Variants in PPARGC1A observed in about 807,000 individuals in gnomAD.
PPARGC1A encodes the protein PPARG coactivator 1 alpha, also known as peroxisome proliferator-activated receptor gamma coactivator 1-alpha.
Under a neutral mutation model 88.7 loss-of-function variants are expected in PPARGC1A, and 25 were observed. That is an observed-to-expected ratio of 0.28 (90% CI 0.21 to 0.39). The LOEUF (loss-of-function observed/expected upper bound fraction) is 0.39. Ranked by LOEUF, PPARGC1A falls within the 10% of genes least tolerant of loss-of-function variation. The pLI, the probability that PPARGC1A is intolerant of heterozygous loss-of-function variation, is 1.00. For missense variants in PPARGC1A, 880 were observed against 968.7 expected (o/e 0.91, Z 1.22); for synonymous variants, 363 against 355.6 (o/e 1.02, Z -0.24).
chr4:24,328,899 C>G, the PPARGC1A span, among the ~76,000 whole-genome samples: 1 of 152,190 alleles, frequency 6.6e-6, no homozygotes, highest in Non-Finnish European at 1.5e-5. Flanking sequence ...ATTATAGTCT[C>G]GGAACCAAAC....
At chr4:24,292,156 C>G in the PPARGC1A span, among the ~76,000 whole-genome samples, 1 of 152,124 alleles carries the variant, frequency 6.6e-6, no homozygotes, top group South Asian at 2.1e-4. Flanking sequence ...GGTTGTCCTG[C>G]TCTCACCCCT....
At chr4:24,008,183 TC>T in the PPARGC1A span, among the ~76,000 whole-genome samples, 2 of 152,142 alleles carry the variant, frequency 1.3e-5, no homozygotes, top group African/African-American at 4.8e-5. Context: ...CTGGACTCTG[TC>T]CTCTGAACTC....
chr4:23,837,569 G>A (rs1158805430), intron 2 of PPARGC1A, among the ~76,000 whole-genome samples: 1 of 152,046 alleles, frequency 6.6e-6, no homozygotes, highest in Non-Finnish European at 1.5e-5. Flanking sequence ...CATGCCCCAG[G>A]CTTCCTCCTT....
the PPARGC1A span, among the ~76,000 whole-genome samples, chr4:24,327,692 C>A: frequency 6.6e-6 from 1 of 151,966 alleles, no homozygotes; most frequent in Non-Finnish European, 1.5e-5. Context: ...CATACCGCCC[C>A]TAATCCCGCT....
the PPARGC1A span, among the ~76,000 whole-genome samples, chr4:24,457,527 T>TTTTGTTTG: frequency 7.3e-4 from 109 of 150,054 alleles, no homozygotes; most frequent in South Asian, 8.5e-4. Context: ...AGATACTGTT[T>TTTTGTTTG]TTTGTTTGTT....
At chr4:24,126,508 G>C in the PPARGC1A span, among the ~76,000 whole-genome samples, 1 of 152,164 alleles carries the variant, frequency 6.6e-6, no homozygotes, top group African/African-American at 2.4e-5. Context: ...GATGAGATAG[G>C]TGCTTTTCTT....
At chr4:24,108,352 A>G in the PPARGC1A span, among the ~76,000 whole-genome samples, 2 of 152,170 alleles carry the variant, frequency 1.3e-5, no homozygotes, top group Non-Finnish European at 2.9e-5. Flanking sequence ...GGTTTCTTCT[A>G]TTGATTAAAA....
At chr4:24,122,801 G>T in the PPARGC1A span, among the ~76,000 whole-genome samples, 1 of 152,102 alleles carries the variant, frequency 6.6e-6, no homozygotes, top group African/African-American at 2.4e-5. Flanking sequence ...TGATTAAGAG[G>T]AATTAACCAG....
the PPARGC1A span, among the ~76,000 whole-genome samples, chr4:24,076,194 A>C: frequency 3.3e-5 from 5 of 152,060 alleles, no homozygotes; most frequent in Admixed American, 3.3e-4. Context: ...CATCTCTCAC[A>C]TTCATTATCT....
At chr4:24,469,133 T>C in the PPARGC1A span, among the ~76,000 whole-genome samples, 8 of 152,236 alleles carry the variant, frequency 5.3e-5, no homozygotes, top group Non-Finnish European at 7.3e-5. Context: ...GCAATCAGGG[T>C]AAAATCATGA....
intron 1 of PPARGC1A, among the ~76,000 whole-genome samples, chr4:23,895,949 T>C (rs1718519558): frequency 2.2e-5 from 1 of 45,536 alleles, no homozygotes; most frequent in East Asian, 3.5e-4. Context: ...TGTGTGTGTG[T>C]GTGTGTGTGT....
At chr4:24,041,751 T>C in the PPARGC1A span, among the ~76,000 whole-genome samples, 5 of 152,122 alleles carry the variant, frequency 3.3e-5, no homozygotes, top group Non-Finnish European at 5.9e-5. Context: ...ATGAAGCACA[T>C]ACATGGATCC....
the PPARGC1A span, among the ~76,000 whole-genome samples, chr4:24,156,365 AT>A: frequency 7.5e-4 from 109 of 144,938 alleles, no homozygotes; most frequent in East Asian, 1.6e-3. Context: ...CCCACTTGCT[AT>A]TTTTTTTTTT....
At chr4:24,073,801 C>G in the PPARGC1A span, among the ~76,000 whole-genome samples, 2 of 152,184 alleles carry the variant, frequency 1.3e-5, no homozygotes, top group African/African-American at 4.8e-5. Flanking sequence ...AGTGCACAGA[C>G]TAGCACTGCA....
chr4:24,196,929 G>A, the PPARGC1A span, among the ~76,000 whole-genome samples: 1 of 152,208 alleles, frequency 6.6e-6, no homozygotes, highest in East Asian at 1.9e-4. Flanking sequence ...ATGACTTCTG[G>A]GAGTCAATGA....
chr4:24,140,542 A>C, the PPARGC1A span, among the ~76,000 whole-genome samples: 3 of 152,186 alleles, frequency 2.0e-5, no homozygotes, highest in Admixed American at 1.3e-4. Flanking sequence ...TCTGCCCTCA[A>C]CTTAGACACC....
chr4:24,257,099 C>T, the PPARGC1A span, among the ~76,000 whole-genome samples: 1 of 152,258 alleles, frequency 6.6e-6, no homozygotes, highest in African/African-American at 2.4e-5. Context: ...GAACCCAAGG[C>T]AGAGATACAT....
chr4:23,829,363 G>C (rs1423657443), intron 4 of PPARGC1A, 100 bp downstream of exon 4: 1 of 1,292,758 alleles, frequency 7.7e-7, no homozygotes, highest in East Asian at 2.3e-5. Flanking sequence ...GCAGCTTCGG[G>C]GTCCCAGCTG....
chr4:24,239,049 C>T, the PPARGC1A span, among the ~76,000 whole-genome samples: 1 of 152,094 alleles, frequency 6.6e-6, no homozygotes, highest in Admixed American at 6.6e-5. Context: ...CATTTTTAGA[C>T]ACAACTATTA....
Sources: gnomAD v4.1 joint callset for allele counts (sites outside exome capture counted in the v4.1 genomes callset) on GRCh38, gnomAD v4.1.1 for gene constraint, MANE v1.5 for transcripts, NCBI Gene and HGNC (gene_info 2026-07-23, HGNC 2026-07-21) for gene names.